TWIST2: variants seen among roughly 807,000 people sequenced by gnomAD.
TWIST2 encodes the protein twist-related protein 2.
Under a neutral mutation model 11.6 loss-of-function variants are expected in TWIST2, and 1 was observed. The ratio of observed to expected loss-of-function variants is 0.09; its 90% confidence interval spans 0.03 to 0.41. The LOEUF (loss-of-function observed/expected upper bound fraction) is 0.41, where lower values mean the gene tolerates loss of function less well. TWIST2 is among the 10% of genes least tolerant of loss of function. The pLI is 0.98. For synonymous variants in TWIST2, 87 were observed against 96.6 expected (o/e 0.90, Z 0.58); for missense variants, 168 against 226.4 (o/e 0.74, Z 1.66).
chr2:238,880,249 GTATT>G (rs1277895269), intron 1 of TWIST2, among the ~76,000 whole-genome samples: 2 of 151,546 alleles, frequency 1.3e-5, no homozygotes, highest in African/African-American at 4.8e-5. Flanking sequence ...ATTAGTGTTA[GTATT>G]TATTGGTATT....
chr2:238,877,841 G>A (rs921428599), intron 1 of TWIST2, among the ~76,000 whole-genome samples: 1 of 152,076 alleles, frequency 6.6e-6, no homozygotes, highest in Non-Finnish European at 1.5e-5. Context: ...GAGCAAACAC[G>A]TCCAAGAAAC....
At chr2:238,898,484 A>C (rs989496585) in intron 1 of TWIST2, among the ~76,000 whole-genome samples, 1 of 152,228 alleles carries the variant, frequency 6.6e-6, no homozygotes, top group Non-Finnish European at 1.5e-5. Flanking sequence ...TAGAATGCCC[A>C]TGAGGCCATT....
chr2:238,866,189 G>A lies in TWIST2; in HGVS notation c.*35+17456G>A, dbSNP rs375585568. On this transcript the variant is annotated intron_variant, in intron 1 of 1. Transcript: ENST00000612363. The surrounding 1 kb of genome is among the most constrained non-coding windows in gnomAD (Gnocchi z 4.9). Reference sequence around the variant, plus strand: ...GCCAGGCACCGCCCAGGTTCCCCATGGCACGGGCCCTGCCTGCTCTTCTGT... The same window carrying A: ...GCCAGGCACCGCCCAGGTTCCCCATAGCACGGGCCCTGCCTGCTCTTCTGT... Among the ~76,000 whole-genome samples, 15 of 152,324 alleles carry A rather than the reference G, an allele frequency of 9.8e-5. No individual in the cohort carries two copies. The highest frequency in any genetic ancestry group is 3.6e-4 in the African/African-American group (15 of 41,570).
intron 1 of TWIST2, among the ~76,000 whole-genome samples, chr2:238,904,481 G>A (rs1169974412): frequency 2.0e-5 from 3 of 151,710 alleles, no homozygotes; most frequent in Non-Finnish European, 2.9e-5. Flanking sequence ...GTCTGTGTGC[G>A]TGTTCGTGTG....
intron 1 of TWIST2, among the ~76,000 whole-genome samples, chr2:238,870,167 C>CAT (rs1692628024): frequency 2.2e-5 from 1 of 45,316 alleles, no homozygotes; most frequent in Non-Finnish European, 4.3e-5. Context: ...CCCACACACA[C>CAT]CACACACCCC....
At chr2:238,870,552 CCA>C (rs1445110776) in intron 1 of TWIST2, among the ~76,000 whole-genome samples, 2 of 123,984 alleles carry the variant, frequency 1.6e-5, no homozygotes, top group African/African-American at 3.1e-5. Context: ...CCCACACACC[CCA>C]CACACACCAC....
intron 1 of TWIST2, among the ~76,000 whole-genome samples, chr2:238,876,456 G>A (rs1183151071): frequency 6.6e-6 from 1 of 152,184 alleles, no homozygotes; most frequent in African/African-American, 2.4e-5. Flanking sequence ...CAGGCCGAAG[G>A]TGCAGTGATG....
chr2:238,908,438 C>T (rs1693393476), intron 1 of TWIST2, among the ~76,000 whole-genome samples: 1 of 151,782 alleles, frequency 6.6e-6, no homozygotes, highest in Admixed American at 6.6e-5. Flanking sequence ...ATACCACATA[C>T]ACACACATGC....
At chr2:238,889,505 C>T (rs751042344) in intron 1 of TWIST2, among the ~76,000 whole-genome samples, 3 of 152,186 alleles carry the variant, frequency 2.0e-5, no homozygotes, top group Non-Finnish European at 4.4e-5. Context: ...TCTTCCAGAG[C>T]CCAAACTGTC....
chr2:238,892,903 A>G (rs1052941787), intron 1 of TWIST2, among the ~76,000 whole-genome samples: 2 of 152,218 alleles, frequency 1.3e-5, no homozygotes, highest in South Asian at 4.1e-4. Flanking sequence ...GTGTTTCTCA[A>G]CAGAGATCAG....
chr2:238,899,018 A>G (rs1056593088), intron 1 of TWIST2, among the ~76,000 whole-genome samples: 9,052 of 152,300 alleles, frequency 0.059, 905 homozygotes, highest in African/African-American at 0.2. Context: ...AGAGGCTGCC[A>G]TCTGTGCCCT....
At chr2:238,851,898 C>G (rs1371330071) in intron 1 of TWIST2, among the ~76,000 whole-genome samples, 1 of 152,060 alleles carries the variant, frequency 6.6e-6, no homozygotes, top group Non-Finnish European at 1.5e-5. Flanking sequence ...CCTTAAATAT[C>G]AGCAGTCCTT....
chr2:238,849,585 G>C (rs1210079817), intron 1 of TWIST2, among the ~76,000 whole-genome samples: 1 of 152,204 alleles, frequency 6.6e-6, no homozygotes, highest in African/African-American at 2.4e-5. Context: ...AGCCCCGCAG[G>C]GATGGGCGAG....
rs1559273444 is a variant in TWIST2, at chr2:238,870,135, CCACACCCCAT to C, written c.*35+21403_*35+21412del. 2.3e-4 allele frequency among the ~76,000 whole-genome samples: 18 copies of C among 77,208 alleles called. No homozygotes were observed. In the East Asian group the frequency reaches 5.5e-3, roughly 23 times the overall value. 50.7% of individuals were successfully genotyped at this position (77,208 alleles called of 152,430 possible). On this transcript the variant is annotated intron_variant, in intron 1 of 1. Transcript: ENST00000612363. The stretch of plus-strand genomic sequence containing the variant: ...ACACCATACACCCCCCACACACACA[CCACACCCCAT>C]ACACACCACACCCCACACACACCAC...
intron 1 of TWIST2, among the ~76,000 whole-genome samples, chr2:238,904,377 AGT>A (rs1212023370): frequency 0.028 from 2,455 of 87,996 alleles, 69 homozygotes; most frequent in African/African-American, 0.093. Context: ...TGTTTGAGGT[AGT>A]GTGTGTGTGA....
At chr2:238,901,700 G>A (rs1225912253) in intron 1 of TWIST2, among the ~76,000 whole-genome samples, 4 of 152,170 alleles carry the variant, frequency 2.6e-5, no homozygotes, top group South Asian at 2.1e-4. Flanking sequence ...GTCCAGACTC[G>A]GCAGGGGACA....
At chr2:238,902,660 ATG>A (rs1483096956) in intron 1 of TWIST2, among the ~76,000 whole-genome samples, 9,279 of 117,244 alleles carry the variant, frequency 0.079, 422 homozygotes, top group East Asian at 0.17. Flanking sequence ...TGTGTGTGTG[ATG>A]TGTGTGTGAT....
In TWIST2 at chr2:238,910,187, CCTCT is replaced by C. The variant is rs1693429196; in HGVS notation, c.*382_*385del. The C allele has an allele frequency of 6.6e-6, 1 of 151,918 alleles. No individual in the cohort carries two copies. Among genetic ancestry groups the C allele is most frequent in the East Asian group, 1.9e-4 (1 of 5,172 alleles). The allele number at this position is 151,918 out of a possible 1,614,324, so 9.4% of individuals were successfully genotyped here. A position where few individuals can be genotyped will look rare whatever the true frequency, so the allele number is the denominator to read the frequency against. On this transcript the variant is annotated 3_prime_UTR_variant, in exon 2 of 2. Transcript: ENST00000612363. ...GATTTGGATTTTGAATTTGTATTTC[CCTCT>C]AAGTGCCTTTTTTAATGTCTATTTT...
Position 238,863,593 on chromosome 2 carries a change from CT to C in TWIST2, c.*35+14867del, listed in dbSNP as rs1383772640. On this transcript the variant is annotated intron_variant, in intron 1 of 1. Transcript: ENST00000612363. The surrounding 1 kb of genome is among the most constrained non-coding windows in gnomAD (Gnocchi z 4.7). ...GTGTTAGCATCCTCATTTCTTCTGC[CT>C]TTTTTTCACTCCTCTCTACGTAGTT... Among the ~76,000 whole-genome samples, 1 of 152,066 alleles carries C rather than the reference CT, an allele frequency of 6.6e-6. No individual in the cohort carries two copies. The highest frequency in any genetic ancestry group is 1.5e-5 in the Non-Finnish European group (1 of 68,012).
Sources: gnomAD v4.1 joint callset for allele counts (sites outside exome capture counted in the v4.1 genomes callset) on GRCh38, gnomAD v4.1.1 for gene constraint, Gnocchi (gnomAD v3.1) non-coding constraint, MANE v1.5 for transcripts, NCBI Gene and HGNC (gene_info 2026-07-23, HGNC 2026-07-21) for gene names.